PTPRD: variants seen among roughly 807,000 people sequenced by gnomAD.
PTPRD encodes receptor-type tyrosine-protein phosphatase delta.
In PTPRD, 34 loss-of-function variants were observed where a neutral mutation model predicts 214.5. That is an observed-to-expected ratio of 0.16 (90% CI 0.12 to 0.21). PTPRD has a LOEUF of 0.21. Among genes scored for constraint, PTPRD ranks in the 10% least tolerant of loss-of-function variants. PTPRD has a pLI of 1.00. For missense variants in PTPRD, 2,545 were observed against 2,398.7 expected (o/e 1.06, Z -1.27); for synonymous variants, 1,128 against 845.7 (o/e 1.33, Z -5.79).
intron 2 of PTPRD, among the ~76,000 whole-genome samples, chr9:10,490,935 C>G (rs13293474): frequency 0.14 from 21,480 of 152,134 alleles, 2,041 homozygotes; most frequent in Non-Finnish European, 0.21. Flanking sequence ...GGGTTATAAT[C>G]ACTTTTGCAT....
At position 8,459,452 on chromosome 9, in the gene PTPRD, G is replaced by C. The variant is rs1040450215; in HGVS notation, c.3875+959C>G. ...AAAATAAAAATCTATATAAAGGGAA[G>C]TAATTTTGAATTTAGTCATTTTAAA... On this transcript the variant is annotated intron_variant, in intron 33 of 45. Coordinates refer to ENST00000381196, the MANE Select transcript of PTPRD (RefSeq NM_002839.4). Among the ~76,000 whole-genome samples the C allele has an allele frequency of 5.3e-5, 8 of 151,992 alleles. No individual in the cohort carries two copies. The East Asian group carries it at 1.2e-3, about 22-fold the overall frequency.
intron 5 of PTPRD, among the ~76,000 whole-genome samples, chr9:9,930,603 T>C (rs2086148150): frequency 1.3e-5 from 2 of 152,180 alleles, no homozygotes; most frequent in South Asian, 2.1e-4. Context: ...TGTGATTATA[T>C]AATGTAATTT....
At chr9:9,132,805 G>A (rs1402133232) in intron 10 of PTPRD, among the ~76,000 whole-genome samples, 1 of 152,106 alleles carries the variant, frequency 6.6e-6, no homozygotes, top group Non-Finnish European at 1.5e-5. Flanking sequence ...ATACTTGTGT[G>A]CAAAATACAT....
At chr9:9,396,338 T>C (rs538491142) in intron 9 of PTPRD, among the ~76,000 whole-genome samples, 25 of 152,166 alleles carry the variant, frequency 1.6e-4, no homozygotes, top group Middle Eastern at 3.4e-3. Flanking sequence ...TAGGAACTAA[T>C]AGAAATGCAT....
intron 11 of PTPRD, among the ~76,000 whole-genome samples, chr9:8,799,316 T>C (rs1213584202): frequency 1.3e-5 from 2 of 152,212 alleles, no homozygotes; most frequent in East Asian, 3.9e-4. Context: ...AGTTTTGTTG[T>C]AGTTGGTATA....
chr9:9,434,217 ATCTC>A (rs1469936989), intron 8 of PTPRD, among the ~76,000 whole-genome samples: 1 of 152,156 alleles, frequency 6.6e-6, no homozygotes, highest in Non-Finnish European at 1.5e-5. Flanking sequence ...CAGTGCCTAG[ATCTC>A]TCTGAGCTTC....
rs146578959 is a variant in PTPRD at position 9,243,943 on chromosome 9, C to G, written c.-202-60580G>C. 7.4e-3 allele frequency among the ~76,000 whole-genome samples: 1,128 copies of G among 152,294 alleles called. 10 individuals carry two copies. The highest frequency in any genetic ancestry group is 0.026 in the African/African-American group (1,098 of 41,554). On this transcript the variant is annotated intron_variant, in intron 9 of 45. Coordinates refer to ENST00000381196, the MANE Select transcript of PTPRD (RefSeq NM_002839.4). ...AGCTGACAAGCAACTTCAGCAAAGTCTCAGGATATAAAATCAATGTGCAAA... is the reference window on the plus strand; with the variant it reads ...AGCTGACAAGCAACTTCAGCAAAGTGTCAGGATATAAAATCAATGTGCAAA...
intron 5 of PTPRD, among the ~76,000 whole-genome samples, chr9:9,873,149 C>A (rs569268626): frequency 6.6e-6 from 1 of 151,966 alleles, no homozygotes; most frequent in South Asian, 2.1e-4. Flanking sequence ...GAAGATCCGA[C>A]GAAGAAATAT....
intron 8 of PTPRD, among the ~76,000 whole-genome samples, chr9:9,557,443 A>T (rs1222746457): frequency 6.6e-6 from 1 of 152,204 alleles, no homozygotes; most frequent in Non-Finnish European, 1.5e-5. Context: ...CCAAAATAAA[A>T]TTTTTTGACA....
At chr9:8,432,638 A>G (rs970386713) in intron 35 of PTPRD, among the ~76,000 whole-genome samples, 3 of 152,236 alleles carry the variant, frequency 2.0e-5, no homozygotes, top group Admixed American at 6.5e-5. Flanking sequence ...CTTTGCTGAA[A>G]GCCAGTAAAA....
chr9:9,791,000 C>T (rs1467647503), intron 5 of PTPRD, among the ~76,000 whole-genome samples: 2 of 151,994 alleles, frequency 1.3e-5, no homozygotes, highest in African/African-American at 2.4e-5. Flanking sequence ...TATAATGAAC[C>T]AGAAAACGTA....
At chr9:8,441,169 G>C (rs1272406479) in intron 34 of PTPRD, among the ~76,000 whole-genome samples, 1 of 152,084 alleles carries the variant, frequency 6.6e-6, no homozygotes, top group Non-Finnish European at 1.5e-5. Flanking sequence ...AGGTTTCCAG[G>C]GCTGGCTTTT....
chr9:10,560,001 C>T (rs1444915899), intron 2 of PTPRD, among the ~76,000 whole-genome samples: 23 of 152,098 alleles, frequency 1.5e-4, no homozygotes, highest in Non-Finnish European at 2.6e-4. Context: ...GTCAGTGTGG[C>T]GATTCTTCAG....
intron 7 of PTPRD, among the ~76,000 whole-genome samples, chr9:9,631,222 T>G (rs1279426286): frequency 1.8e-5 from 2 of 111,678 alleles, no homozygotes; most frequent in African/African-American, 6.1e-5. Context: ...AATAAATAAA[T>G]AAAAAGAAAA....
chr9:9,483,473 T>A (rs770907199), intron 8 of PTPRD, among the ~76,000 whole-genome samples: 9 of 152,070 alleles, frequency 5.9e-5, no homozygotes, highest in Admixed American at 4.6e-4. Context: ...AAAGCATGCA[T>A]AAAGTAATAA....
At chr9:9,343,357 CCTA>C (rs1569567540) in intron 9 of PTPRD, among the ~76,000 whole-genome samples, 1 of 152,148 alleles carries the variant, frequency 6.6e-6, no homozygotes, top group Non-Finnish European at 1.5e-5. Context: ...TAAAAGTGTT[CCTA>C]TTTCTCCACA....
chr9:8,527,911 G>C (rs763757605), intron 15 of PTPRD, among the ~76,000 whole-genome samples: 8 of 152,104 alleles, frequency 5.3e-5, no homozygotes, highest in Non-Finnish European at 8.8e-5. Context: ...TGTGGCTAAT[G>C]TGTAGAAAAT....
intron 2 of PTPRD, among the ~76,000 whole-genome samples, chr9:10,510,545 G>A (rs932319717): frequency 4.0e-5 from 6 of 151,836 alleles, no homozygotes; most frequent in African/African-American, 1.5e-4. Flanking sequence ...TTTTTTGTTT[G>A]CTTTGCTTTT....
intron 10 of PTPRD, among the ~76,000 whole-genome samples, chr9:9,040,834 C>T (rs183950926): frequency 1.4e-4 from 21 of 152,116 alleles, no homozygotes; most frequent in African/African-American, 4.6e-4. Flanking sequence ...TTGCTGGGGC[C>T]CATTCTTTAG....
Sources: allele counts gnomAD v4.1 joint callset (sites outside exome capture counted in the v4.1 genomes callset), GRCh38; gene constraint gnomAD v4.1.1; transcripts MANE v1.5; gene names NCBI Gene and HGNC (gene_info 2026-07-23, HGNC 2026-07-21).